VPS35: variants seen among roughly 807,000 people sequenced by gnomAD.
VPS35 encodes the protein vacuolar protein sorting-associated protein 35.
Under a neutral mutation model 98.1 loss-of-function variants are expected in VPS35, and 21 were observed. That is an observed-to-expected ratio of 0.21 (90% CI 0.15 to 0.31). The LOEUF (loss-of-function observed/expected upper bound fraction) is 0.31. Ranked by LOEUF, VPS35 falls within the 10% of genes least tolerant of loss-of-function variation. The pLI, the probability that VPS35 is intolerant of heterozygous loss-of-function variation, is 1.00. For missense variants in VPS35, 554 were observed against 950.8 expected (o/e 0.58, Z 5.49); for synonymous variants, 268 against 318.2 (o/e 0.84, Z 1.68).
intron 12 of VPS35, among the ~76,000 whole-genome samples, chr16:46,670,954 C>T (rs907417609): frequency 6.6e-6 from 1 of 152,082 alleles, no homozygotes; most frequent in African/African-American, 2.4e-5. Context: ...GGTTAAACTA[C>T]TTTGCCCAAA....
chr16:46,672,171 T>A (rs1474141970), intron 11 of VPS35, 94 bp downstream of exon 11: 1 of 1,071,478 alleles, frequency 9.3e-7, no homozygotes, highest in Non-Finnish European at 1.4e-6. Flanking sequence ...TTATTTAGTA[T>A]TGAATTACCC....
At position 46,661,966 on chromosome 16, in the gene VPS35, TAAC is replaced by T. The variant is rs2143005807; in HGVS notation, c.2068-108_2068-106del. 1.3e-6 allele frequency: 2 copies of T among 1,487,276 alleles called. No individual in the cohort carries two copies. The highest frequency in any genetic ancestry group is 1.9e-6 in the Non-Finnish European group (2 of 1,080,290). 92.1% of individuals were successfully genotyped at this position (1,487,276 alleles called of 1,614,324 possible). A position where few individuals can be genotyped will look rare whatever the true frequency, so the allele number is the denominator to read the frequency against. On this transcript the variant is annotated intron_variant, in intron 15 of 16. Transcript: ENST00000299138. This position sits in a 1 kb window ranked among gnomAD's most constrained non-coding sequence, Gnocchi z 4.3. ...GGCTCTTTCGTGTTTTAAAGGGACA[TAAC>T]AAATTTAAATCCTTTTCATTCTCCT...
chr16:46,669,045 T>C lies in VPS35; in HGVS notation c.1532A>G (p.Asn511Ser), dbSNP rs1555465529. The C allele has an allele frequency of 1.9e-6, 3 of 1,613,980 alleles. No individual in the cohort carries two copies. Among genetic ancestry groups the C allele is most frequent in the African/African-American group, 2.7e-5 (2 of 74,920 alleles). ...AGCTCCAAAATGTTTTCGTGCTGTG[T>C]TCAAAATCTGACCCAAAAGCATTAA... Reference protein sequence around the residue: ...EDPDQQYLILNTARKHFGAGG... With the variant: ...EDPDQQYLILSTARKHFGAGG... The change falls in exon 13 of 17, where the codon AAC becomes AGC. Residue 511 changes from asparagine to serine, a missense_variant. Asn to Ser is a conservative substitution (Grantham distance 46). Transcript: ENST00000299138.
At chr16:46,682,357 A>C (rs1966248012) in intron 2 of VPS35, 182 bp from the exon 3 acceptor site, 2 of 578,612 alleles carry the variant, frequency 3.5e-6, no homozygotes, top group Non-Finnish European at 6.2e-6. Context: ...CTACTGAAAA[A>C]GAAAAAGATA....
chr16:46,679,175 G>A lies in VPS35; in HGVS notation c.507-19C>T, dbSNP rs774128187. On this transcript the variant is annotated intron_variant, in intron 5 of 16. Transcript: ENST00000299138. ...TTCTTCACTGCAAAGAAACAGAAAA[G>A]TCTTTACACAGTATTTACAGGACCA... 7.6e-6 allele frequency: 12 copies of A among 1,581,160 alleles called. No homozygotes were observed. The highest frequency in any genetic ancestry group is 1.0e-5 in the Non-Finnish European group (12 of 1,161,262).
chr16:46,668,836 C>A (rs552177866), intron 13 of VPS35, 94 bp downstream of exon 13: 8 of 1,530,674 alleles, frequency 5.2e-6, no homozygotes, highest in Non-Finnish European at 7.1e-6. Context: ...TATTTTTGTA[C>A]GTTTGAAATT....
chr16:46,668,980 C>G lies in VPS35; in HGVS notation c.1597G>C (p.Val533Leu). 1 of 1,614,090 alleles carries G rather than the reference C, an allele frequency of 6.2e-7. No individual in the cohort carries two copies. Among genetic ancestry groups the G allele is most frequent in the Non-Finnish European group, 8.5e-7 (1 of 1,180,004 alleles). The change falls in exon 13 of 17, where the codon GTA (valine) becomes CTA (leucine). Residue 533 changes from valine to leucine, a missense_variant. Coordinates refer to ENST00000299138, the MANE Select transcript of VPS35 (RefSeq NM_018206.6). ...QRIRFTLPPL[V>L]FAAYQLAFRY... ...AAAGCCAGCTGGTAAGCTGCAAATA[C>G]CAAAGGTGGCAGTGTGAAGCGAATC...
chr16:46,671,812 C>G lies in VPS35; in HGVS notation c.1417G>C (p.Asp473His). Residue 473 changes from aspartate to histidine, a missense_variant, in exon 12 of 17, where the codon GAT (aspartate) becomes CAT (histidine). Physicochemically the swap from Asp to His is moderately conservative, Grantham distance 81. Coordinates refer to ENST00000299138, the MANE Select transcript of VPS35 (RefSeq NM_018206.6). Reference protein sequence around the residue: ...LVSTLIQDQPDQPVEDPDPED... With the variant: ...LVSTLIQDQPHQPVEDPDPED... Reference sequence around the variant, plus strand: ...GGATCAGGGTCTTCTACAGGTTGATCTGGCTGATCTTGAATCAACGTGGAT... The same window carrying G: ...GGATCAGGGTCTTCTACAGGTTGATGTGGCTGATCTTGAATCAACGTGGAT... The G allele has an allele frequency of 6.2e-7, 1 of 1,613,708 alleles. No individual in the cohort carries two copies. The highest frequency in any genetic ancestry group is 8.5e-7 in the Non-Finnish European group (1 of 1,179,982).
At chr16:46,666,250 C>T (rs543903571) in intron 13 of VPS35, among the ~76,000 whole-genome samples, 56 of 151,680 alleles carry the variant, frequency 3.7e-4, no homozygotes, top group Non-Finnish European at 5.6e-4. Flanking sequence ...TGTACCACCA[C>T]GCCTGGCTAA....
At chr16:46,671,364 TCA>T (rs1446919254) in intron 12 of VPS35, among the ~76,000 whole-genome samples, 1 of 152,194 alleles carries the variant, frequency 6.6e-6, no homozygotes, top group Non-Finnish European at 1.5e-5. Context: ...TTTGTAATTC[TCA>T]GAGAGTCTTC....
chr16:46,671,848 T>G lies in VPS35; in HGVS notation c.1381A>C (p.Met461Leu). Residue 461 changes from methionine (M) to leucine (L), a missense_variant, in exon 12 of 17, where the codon ATG (methionine) becomes CTG (leucine). Physicochemically the swap from Met to Leu is conservative, Grantham distance 15 (BLOSUM62 2). Around this residue, in one of 5 missense-constraint regions of VPS35, gnomAD observed 254 missense variants for 390.1 expected, o/e 0.65. Coordinates refer to ENST00000299138, the MANE Select transcript of VPS35 (RefSeq NM_018206.6). Reference sequence around the variant, plus strand: ...TGAATCAACGTGGATACCAAATTCATTATGGAATCCACCTGTAACATGCGA... The same window carrying G: ...TGAATCAACGTGGATACCAAATTCAGTATGGAATCCACCTGTAACATGCGA... ...IVSQDQVDSI[M>L]NLVSTLIQDQ... 1 of 1,612,658 alleles carries G rather than the reference T, an allele frequency of 6.2e-7. No individual in the cohort carries two copies. Among genetic ancestry groups the G allele is most frequent in the Non-Finnish European group, 8.5e-7 (1 of 1,179,944 alleles).
Position 46,661,100 on chromosome 16 carries a change from T to C in VPS35, c.2212-449A>G, listed in dbSNP as rs1022592216. The C allele has an allele frequency of 3.4e-5, 10 of 294,852 alleles. No homozygotes were observed. Among genetic ancestry groups the C allele is most frequent in the Non-Finnish European group, 5.3e-5 (8 of 150,336 alleles). 18.3% of individuals were successfully genotyped at this position (294,852 alleles called of 1,614,324 possible). On this transcript the variant is annotated intron_variant, in intron 16 of 16. Coordinates refer to ENST00000299138, the MANE Select transcript of VPS35 (RefSeq NM_018206.6). The surrounding 1 kb of genome is among the most constrained non-coding windows in gnomAD (Gnocchi z 4.3). ...AGGCAGAGGTTGCAATGAGCTGAGA[T>C]TGCCACTGCACTCCAGCCTGGGTGA...
rs769097906 is a variant in VPS35 at position 46,682,134 on chromosome 16, A to G, written c.144T>C (p.Asn48=). Residue 48 remains asparagine (N), a synonymous_variant, in exon 3 of 17, where the codon AAT becomes AAC. Transcript: ENST00000299138. ...TAGAAGTCCGGAGTTCACCAAGCAT[A>G]TTAGAAGCATGTTTTAGAGCATCCA... The part of the protein sequence containing the change: ...KLMDALKHAS[N]MLGELRTSML... The G allele has an allele frequency of 3.1e-6, 5 of 1,613,652 alleles. No individual in the cohort carries two copies. The highest frequency in any genetic ancestry group is 3.4e-6 in the Non-Finnish European group (4 of 1,179,674).
chr16:46,688,754 C>G, intron 1 of VPS35: 1 of 1,234,400 alleles, frequency 8.1e-7, no homozygotes, highest in South Asian at 2.1e-5. Flanking sequence ...AGTCTCAGGG[C>G]CTCCACGCGC....
intron 5 of VPS35, among the ~76,000 whole-genome samples, chr16:46,679,675 G>C (rs1356086170): frequency 6.6e-6 from 1 of 152,188 alleles, no homozygotes; most frequent in Admixed American, 6.5e-5. Flanking sequence ...AGCTTTGTGA[G>C]GGAAGAGACC....
chr16:46,681,667 A>G lies in VPS35; in HGVS notation c.200-167T>C, dbSNP rs1307172460. On this transcript the variant is annotated intron_variant, in intron 3 of 16. Coordinates refer to ENST00000299138, the MANE Select transcript of VPS35 (RefSeq NM_018206.6). ...TTAGCCGGACTTTTCTTACTTTAAA[A>G]TAAGGGTTTTAAAGCATGTGTGGTC... is the stretch of plus-strand genomic sequence containing the variant. The G allele has an allele frequency of 6.3e-6, 5 of 799,998 alleles. No homozygotes were observed. The African/African-American group carries it at 6.9e-5, about 11-fold the overall frequency. The allele number at this position is 799,998 out of a possible 1,614,324, so 49.6% of individuals were successfully genotyped here. A position where few individuals can be genotyped will look rare whatever the true frequency, so the allele number is the denominator to read the frequency against.
In VPS35 at chr16:46,671,801, T is replaced by C. The variant is rs528116722; in HGVS notation, c.1428A>G (p.Val476=). 5.6e-6 allele frequency: 9 copies of C among 1,613,922 alleles called. No individual in the cohort carries two copies. The highest frequency in any genetic ancestry group is 5.0e-5 in the Admixed American group (3 of 59,982). Residue 476 remains valine (V), a synonymous_variant, in exon 12 of 17, where the codon GTA becomes GTG. Coordinates refer to ENST00000299138, the MANE Select transcript of VPS35 (RefSeq NM_018206.6). The part of the protein sequence containing the change: ...TLIQDQPDQP[V]EDPDPEDFAD... ...CAAAATCTTCTGGATCAGGGTCTTC[T>C]ACAGGTTGATCTGGCTGATCTTGAA...
At chr16:46,688,844 G>A in intron 1 of VPS35, 4 of 1,406,728 alleles carry the variant, frequency 2.8e-6, no homozygotes, top group Non-Finnish European at 3.7e-6. Flanking sequence ...AAAGGAGGCC[G>A]CAGGCCTTCA....
chr16:46,667,083 C>T (rs556179964), intron 13 of VPS35, among the ~76,000 whole-genome samples: 1 of 152,278 alleles, frequency 6.6e-6, no homozygotes, highest in South Asian at 2.1e-4. Flanking sequence ...ATATTCCCAC[C>T]AATAATAAAC....
Sources: allele counts gnomAD v4.1 joint callset (sites outside exome capture counted in the v4.1 genomes callset), GRCh38; gene constraint gnomAD v4.1.1; regional missense constraint gnomAD v4.1.1; non-coding constraint Gnocchi (gnomAD v3.1); transcripts MANE v1.5; gene names NCBI Gene and HGNC (gene_info 2026-07-23, HGNC 2026-07-21).